The following CYP3A43 variants were observed in gnomAD, a reference collection of about 807,000 sequenced individuals.
CYP3A43 encodes cytochrome P450 family 3 subfamily A member 43, also known as cytochrome P450 3A43.
Under a neutral mutation model 58.0 loss-of-function variants are expected in CYP3A43, and 45 were observed. The observed-to-expected ratio is 0.78, with a 90% CI of 0.61 to 0.99. The LOEUF (loss-of-function observed/expected upper bound fraction) is 0.99. Ranked by LOEUF, CYP3A43 falls within the 50% of genes least tolerant of loss-of-function variation. The pLI is 0.00. For missense variants in CYP3A43, 593 were observed against 591.9 expected, an observed-to-expected ratio of 1.00 and a Z score of -0.02; for synonymous variants, 191 against 201.4, an observed-to-expected ratio of 0.95 and a Z score of 0.44.
At position 99,863,169 on chromosome 7, in the gene CYP3A43, A is replaced by G. The variant is rs142568320; in HGVS notation, c.1254-368A>G. On this transcript the variant is annotated intron_variant, in intron 11 of 12. Coordinates refer to ENST00000354829, the MANE Select transcript of CYP3A43 (RefSeq NM_057095.3). ...GCTGCATGTCAGCTTCCCTGTCCAC[A>G]CACCACCACAATCCTCTCTGTGACT... is the stretch of plus-strand genomic sequence containing the variant. Among the ~76,000 whole-genome samples, 1,115 of 152,336 alleles carry G rather than the reference A, an allele frequency of 7.3e-3. 14 individuals carry two copies. The highest frequency in any genetic ancestry group is 0.024 in the African/African-American group (1,007 of 41,578).
intron 2 of CYP3A43, chr7:99,838,662 C>T: frequency 7.8e-7 from 1 of 1,287,884 alleles, no homozygotes; most frequent in African/African-American, 1.5e-5. Flanking sequence ...TGTATTTTCT[C>T]TCCTTTTCCT....
At chr7:99,847,679 C>G (rs1220973521) in intron 5 of CYP3A43, 78 bp downstream of exon 5, 1 of 1,589,914 alleles carries the variant, frequency 6.3e-7, no homozygotes. Flanking sequence ...ATCATAGTTC[C>G]TTTCTAATGG....
rs542253380 is a variant in CYP3A43, at chr7:99,861,323, A to G, written c.1027-290A>G. Among the ~76,000 whole-genome samples the G allele has an allele frequency of 6.1e-4, 93 of 152,326 alleles. 1 individual carries two copies. The highest frequency in any genetic ancestry group is 8.7e-4 in the African/African-American group (36 of 41,570). ...TAGGTGATTCAAATGGCCATCGTCT[A>G]TTAGTCATGTTTGTTCTCCCAAGAA... On this transcript the variant is annotated intron_variant, in intron 10 of 12. Coordinates refer to ENST00000354829, the MANE Select transcript of CYP3A43 (RefSeq NM_057095.3).
intron 4 of CYP3A43, among the ~76,000 whole-genome samples, chr7:99,846,398 C>T (rs1041533724): frequency 1.3e-5 from 2 of 152,122 alleles, no homozygotes; most frequent in South Asian, 2.1e-4. Context: ...ATTGTTATGG[C>T]GTAGAAATGT....
chr7:99,841,094 A>C (rs1817311653), intron 3 of CYP3A43, among the ~76,000 whole-genome samples: 1 of 152,176 alleles, frequency 6.6e-6, no homozygotes, highest in Non-Finnish European at 1.5e-5. Context: ...AACAGTTTTT[A>C]GCTTGAGATC....
intron 4 of CYP3A43, among the ~76,000 whole-genome samples, chr7:99,846,718 T>C (rs548586961): frequency 6.6e-6 from 1 of 152,326 alleles, no homozygotes; most frequent in African/African-American, 2.4e-5. Context: ...AGGTTTTTTG[T>C]ATATATTTTT....
In CYP3A43 at chr7:99,853,768, C is replaced by T. The variant is rs1817852131; in HGVS notation, c.671-1823C>T. The stretch of plus-strand genomic sequence containing the variant: ...GACAAGGTTTTTACTGTTGGTCAAG[C>T]TGGTCTCGAATTCCTGACCTCAGGT... On this transcript the variant is annotated intron_variant, in intron 7 of 12. Transcript: ENST00000354829. 2.0e-5 allele frequency among the ~76,000 whole-genome samples: 3 copies of T among 152,210 alleles called. No individual in the cohort carries two copies. The South Asian group carries it at 6.2e-4, about 32-fold the overall frequency.
At chr7:99,863,136 T>C (rs1818307128) in intron 11 of CYP3A43, among the ~76,000 whole-genome samples, 2 of 152,184 alleles carry the variant, frequency 1.3e-5, no homozygotes, top group African/African-American at 2.4e-5. Context: ...CCTGTCTCAG[T>C]AGTCAATGCT....
chr7:99,854,229 T>C (rs1020932803), intron 7 of CYP3A43, among the ~76,000 whole-genome samples: 1 of 102,348 alleles, frequency 9.8e-6, no homozygotes, highest in African/African-American at 1.0e-4. Flanking sequence ...GTTTTGATAA[T>C]TTTTTTTTTT....
intron 3 of CYP3A43, among the ~76,000 whole-genome samples, chr7:99,841,959 C>T (rs1246046874): frequency 6.6e-6 from 1 of 152,150 alleles, no homozygotes; most frequent in Non-Finnish European, 1.5e-5. Flanking sequence ...GCCTCTCTCT[C>T]TCTATGTGCT....
In CYP3A43 at chr7:99,847,379, T is replaced by C. The variant is rs570364335; in HGVS notation, c.319-109T>C. The C allele has an allele frequency of 3.2e-4, 350 of 1,104,342 alleles. No homozygotes were observed. The African/African-American group carries it at 4.9e-3, about 16-fold the overall frequency. The allele number at this position is 1,104,342 out of a possible 1,614,324, so 68.4% of individuals were successfully genotyped here. ...AGTATAGAGCCTGCCACCCAGTAGATAGTTACTAAATATTTGTTAAATTCA... is the reference window on the plus strand; with the variant it reads ...AGTATAGAGCCTGCCACCCAGTAGACAGTTACTAAATATTTGTTAAATTCA... On this transcript the variant is annotated intron_variant, in intron 4 of 12. Transcript: ENST00000354829.
intron 11 of CYP3A43, 93 bp downstream of exon 11, chr7:99,861,932 G>A (rs899802722): frequency 1.3e-5 from 15 of 1,139,704 alleles, no homozygotes; most frequent in South Asian, 8.3e-5. Context: ...ATTTGAATAT[G>A]TGCCTTTTCA....
chr7:99,856,770 C>G, intron 8 of CYP3A43, 63 bp from the exon 9 acceptor site: 1 of 1,579,984 alleles, frequency 6.3e-7, no homozygotes, highest in East Asian at 2.2e-5. Context: ...GGACTGGACT[C>G]CTGATTCACT....
At chr7:99,849,769 A>T in intron 7 of CYP3A43, 75 bp downstream of exon 7, 1 of 1,361,926 alleles carries the variant, frequency 7.3e-7, no homozygotes, top group Non-Finnish European at 9.8e-7. Flanking sequence ...TATTGAAAAC[A>T]AAATTCACAT....
At chr7:99,831,249 T>C (rs1262093426) in intron 1 of CYP3A43, among the ~76,000 whole-genome samples, 1 of 152,188 alleles carries the variant, frequency 6.6e-6, no homozygotes, top group Non-Finnish European at 1.5e-5. Context: ...TAAGATTTAT[T>C]TATTTGTACT....
chr7:99,828,336 T>A, intron 1 of CYP3A43, 150 bp downstream of exon 1: 1 of 545,526 alleles, frequency 1.8e-6, no homozygotes, highest in Non-Finnish European at 3.1e-6. Context: ...AAAATATTAT[T>A]AATATGTTAG....
intron 9 of CYP3A43, 125 bp from the exon 10 acceptor site, chr7:99,859,705 G>T: frequency 8.1e-7 from 1 of 1,235,592 alleles, no homozygotes; most frequent in South Asian, 1.4e-5. Flanking sequence ...CCCGCAGTGT[G>T]ACTCTGAATT....
chr7:99,861,230 A>T (rs746143227), intron 10 of CYP3A43, among the ~76,000 whole-genome samples: 27 of 151,934 alleles, frequency 1.8e-4, no homozygotes, highest in Non-Finnish European at 3.1e-4. Flanking sequence ...TGCTTTTTAC[A>T]TTTTCTTTTT....
chr7:99,848,354 C>A, intron 6 of CYP3A43, 100 bp downstream of exon 6: 1 of 1,275,528 alleles, frequency 7.8e-7, no homozygotes, highest in Non-Finnish European at 1.1e-6. Flanking sequence ...AGTGATCGGA[C>A]AAAAGCAGGG....
Sources: gnomAD v4.1 joint callset for allele counts (sites outside exome capture counted in the v4.1 genomes callset) on GRCh38, gnomAD v4.1.1 for gene constraint, MANE v1.5 for transcripts, NCBI Gene and HGNC (gene_info 2026-07-23, HGNC 2026-07-21) for gene names.